The following KIAA1217 variants were observed in gnomAD, a reference collection of about 807,000 sequenced individuals.
KIAA1217 encodes sickle tail protein homolog.
In KIAA1217, 88 loss-of-function variants were observed where a neutral mutation model predicts 163.9. That is an observed-to-expected ratio of 0.54 (90% confidence interval 0.45 to 0.64). The LOEUF is 0.64. Ranked by LOEUF, KIAA1217 falls within the 30% of genes least tolerant of loss-of-function variation. KIAA1217 has a pLI of 0.00. For missense variants in KIAA1217, 2,372 were observed against 2,475.0 expected (o/e 0.96, Z 0.88); for synonymous variants, 903 against 923.1 (o/e 0.98, Z 0.39).
chr10:23,750,308 A>G (rs997177964), intron 1 of KIAA1217, among the ~76,000 whole-genome samples: 1 of 152,180 alleles, frequency 6.6e-6, no homozygotes, highest in African/African-American at 2.4e-5. Context: ...TCAAAATGTA[A>G]CCCAAGTTTA....
At chr10:24,472,646 A>ACT (rs1323195748) in intron 5 of KIAA1217, among the ~76,000 whole-genome samples, 2 of 152,036 alleles carry the variant, frequency 1.3e-5, no homozygotes, top group African/African-American at 4.8e-5. Flanking sequence ...ACAAAATTGC[A>ACT]CTCTCCATCA....
At chr10:24,117,560 A>G (rs1589561522) in intron 2 of KIAA1217, among the ~76,000 whole-genome samples, 1 of 152,234 alleles carries the variant, frequency 6.6e-6, no homozygotes, top group East Asian at 1.9e-4. Context: ...ACTTGAGCCC[A>G]GGAGGTTGAG....
At chr10:24,057,476 T>G (rs1424804485) in intron 2 of KIAA1217, among the ~76,000 whole-genome samples, 1 of 152,236 alleles carries the variant, frequency 6.6e-6, no homozygotes, top group Non-Finnish European at 1.5e-5. Flanking sequence ...CTCTCTGTTT[T>G]ATGAGCTTGA....
At chr10:24,519,189 C>G (rs940851604) in intron 10 of KIAA1217, among the ~76,000 whole-genome samples, 2 of 152,128 alleles carry the variant, frequency 1.3e-5, no homozygotes, top group Non-Finnish European at 2.9e-5. Flanking sequence ...CTTACTGCCC[C>G]CTAGTGGTCC....
intron 2 of KIAA1217, among the ~76,000 whole-genome samples, chr10:24,142,360 A>T (rs887252872): frequency 6.6e-6 from 1 of 152,142 alleles, no homozygotes; most frequent in Non-Finnish European, 1.5e-5. Flanking sequence ...AAATTACATG[A>T]TTCATTGTTC....
intron 16 of KIAA1217, among the ~76,000 whole-genome samples, chr10:24,536,214 G>T (rs767887651): frequency 1.3e-5 from 2 of 152,122 alleles, no homozygotes; most frequent in African/African-American, 4.8e-5. Context: ...TAGGCCACTC[G>T]GAATGACATC....
intron 1 of KIAA1217, among the ~76,000 whole-genome samples, chr10:23,720,599 T>C (rs76851684): frequency 0.04 from 6,058 of 152,174 alleles, 400 homozygotes; most frequent in African/African-American, 0.14. Flanking sequence ...TAAAAAGGAC[T>C]TCCCCAAAGA....
intron 1 of KIAA1217, among the ~76,000 whole-genome samples, chr10:23,937,703 C>A (rs1011304936): frequency 6.6e-6 from 1 of 152,160 alleles, no homozygotes; most frequent in Non-Finnish European, 1.5e-5. Flanking sequence ...TAAATGGGAA[C>A]TTCTGCTTCA....
chr10:24,012,895 C>T (rs1173291706), intron 2 of KIAA1217, among the ~76,000 whole-genome samples: 2 of 152,154 alleles, frequency 1.3e-5, no homozygotes, highest in African/African-American at 4.8e-5. Flanking sequence ...TGATAAATCA[C>T]ATCCTAACGC....
chr10:23,719,180 T>A (rs918172192), intron 1 of KIAA1217, among the ~76,000 whole-genome samples: 2 of 152,150 alleles, frequency 1.3e-5, no homozygotes, highest in Non-Finnish European at 2.9e-5. Flanking sequence ...GATGAATGGA[T>A]AAACAAATGT....
At chr10:24,388,593 A>C (rs1484442972) in intron 3 of KIAA1217, among the ~76,000 whole-genome samples, 1 of 152,166 alleles carries the variant, frequency 6.6e-6, no homozygotes, top group Non-Finnish European at 1.5e-5. Flanking sequence ...TCTGTACAGC[A>C]AAAGAAACTA....
At chr10:23,930,737 T>C (rs1564542169) in intron 1 of KIAA1217, among the ~76,000 whole-genome samples, 1 of 152,220 alleles carries the variant, frequency 6.6e-6, no homozygotes, top group Non-Finnish European at 1.5e-5. Flanking sequence ...ACATTCTCTT[T>C]TCCTTCATTG....
At chr10:23,934,002 C>T (rs7088345) in intron 1 of KIAA1217, among the ~76,000 whole-genome samples, 23,431 of 152,066 alleles carry the variant, frequency 0.15, 4,450 homozygotes, top group African/African-American at 0.45. Context: ...GATCTAGAAC[C>T]GGAAATACCA....
intron 2 of KIAA1217, among the ~76,000 whole-genome samples, chr10:24,079,071 G>A (rs1267396587): frequency 6.6e-6 from 1 of 152,224 alleles, no homozygotes; most frequent in Non-Finnish European, 1.5e-5. Context: ...TGCTGGCAGA[G>A]CAGGACCTTT....
intron 3 of KIAA1217, among the ~76,000 whole-genome samples, chr10:24,387,691 G>A (rs1173680153): frequency 1.3e-5 from 2 of 152,244 alleles, no homozygotes; most frequent in African/African-American, 4.8e-5. Flanking sequence ...AAGCTGATAA[G>A]CAACTTCAGC....
At chr10:24,204,965 CT>C (rs2130547931), upstream of KIAA1217, among the ~76,000 whole-genome samples, 1 of 152,276 alleles carries the variant, frequency 6.6e-6, no homozygotes, top group South Asian at 2.1e-4. Flanking sequence ...TTTTAATTGA[CT>C]CTCACAGTTA....
At chr10:23,873,814 G>T (rs567620601) in intron 1 of KIAA1217, among the ~76,000 whole-genome samples, 1 of 152,026 alleles carries the variant, frequency 6.6e-6, no homozygotes, top group Non-Finnish European at 1.5e-5. Context: ...TTTCACCATT[G>T]TAAGTCAGGA....
chr10:24,047,884 T>C (rs1849155349), intron 2 of KIAA1217, among the ~76,000 whole-genome samples: 1 of 152,208 alleles, frequency 6.6e-6, no homozygotes, highest in Non-Finnish European at 1.5e-5. Context: ...GTCATGGCTG[T>C]GGATAGGCAA....
intron 1 of KIAA1217, among the ~76,000 whole-genome samples, chr10:23,889,896 T>G (rs2131211893): frequency 6.6e-6 from 1 of 151,994 alleles, no homozygotes; most frequent in African/African-American, 2.4e-5. Flanking sequence ...TAGGATTTTC[T>G]TAACAGATAA....
Sources: gnomAD v4.1 joint callset for allele counts (sites outside exome capture counted in the v4.1 genomes callset) on GRCh38, gnomAD v4.1.1 for gene constraint, MANE v1.5 for transcripts, NCBI Gene and HGNC (gene_info 2026-07-23, HGNC 2026-07-21) for gene names.